The following NTNG1 variants were observed in gnomAD, a reference collection of about 807,000 sequenced individuals.
NTNG1 encodes the protein netrin G1, also known as netrin-G1.
NTNG1 carries 16 observed loss-of-function variants against 54.0 expected under a neutral mutation model. The ratio of observed to expected loss-of-function variants is 0.30; its 90% CI spans 0.20 to 0.45. The LOEUF (loss-of-function observed/expected upper bound fraction) is 0.45, where lower values mean the gene tolerates loss of function less well. Among genes scored for constraint, NTNG1 ranks in the 20% least tolerant of loss-of-function variants. The pLI is 1.00. For synonymous variants in NTNG1, 255 were observed against 263.1 expected (o/e 0.97, Z 0.30); for missense variants, 530 against 678.7 (o/e 0.78, Z 2.43).
chr1:107,185,577 TCACTTTCTGA>T (rs752072280), intron 2 of NTNG1, among the ~76,000 whole-genome samples: 9 of 152,276 alleles, frequency 5.9e-5, no homozygotes, highest in South Asian at 2.1e-4. Flanking sequence ...CTAAAGAAGG[TCACTTTCTGA>T]GGTTTGAGTG....
At chr1:107,288,688 C>A (rs1030904140) in intron 2 of NTNG1, among the ~76,000 whole-genome samples, 1 of 152,070 alleles carries the variant, frequency 6.6e-6, no homozygotes, top group Non-Finnish European at 1.5e-5. Flanking sequence ...AAAGGATTGA[C>A]AAATGAGTGG....
chr1:107,180,819 A>C (rs2101130881), intron 2 of NTNG1, among the ~76,000 whole-genome samples: 1 of 152,348 alleles, frequency 6.6e-6, no homozygotes, highest in South Asian at 2.1e-4. Context: ...ATATGTGTCC[A>C]TTGTCCTAAT....
At chr1:107,168,561 G>A (rs1247503375) in intron 2 of NTNG1, among the ~76,000 whole-genome samples, 1 of 151,944 alleles carries the variant, frequency 6.6e-6, no homozygotes, top group Non-Finnish European at 1.5e-5. Context: ...ACTACTTTGT[G>A]GTGACATTTA....
At chr1:107,249,359 G>A (rs1390913004) in intron 2 of NTNG1, among the ~76,000 whole-genome samples, 1 of 151,654 alleles carries the variant, frequency 6.6e-6, no homozygotes, top group Non-Finnish European at 1.5e-5. Context: ...GCGCATGCCT[G>A]TAATCCCAGC....
intron 2 of NTNG1, among the ~76,000 whole-genome samples, chr1:107,275,493 C>T (rs183154087): frequency 2.0e-5 from 3 of 152,214 alleles, no homozygotes; most frequent in African/African-American, 7.2e-5. Context: ...GCTGTAGACC[C>T]AGGAGAGGCA....
In NTNG1 at chr1:107,259,520, T is replaced by C. The variant is rs141530833; in HGVS notation, c.247-64762T>C. ...TTAGTTTAACTCTGAACTTATTATT[T>C]TGGATAATTTTCATTGATATAAATC... On this transcript the variant is annotated intron_variant, in intron 2 of 7. Transcript: ENST00000370068. Among the ~76,000 whole-genome samples, 641 of 152,370 alleles carry C rather than the reference T, an allele frequency of 4.2e-3. 2 individuals carry two copies. Among genetic ancestry groups the C allele is most frequent in the African/African-American group, 0.014 (603 of 41,594 alleles).
chr1:107,437,570 A>G (rs1222055565), intron 7 of NTNG1, among the ~76,000 whole-genome samples: 1 of 152,210 alleles, frequency 6.6e-6, no homozygotes, highest in Admixed American at 6.5e-5. Context: ...GCTAGTATTA[A>G]AGCACCACAA....
At chr1:107,220,323 A>C (rs192238472) in intron 2 of NTNG1, among the ~76,000 whole-genome samples, 388 of 152,272 alleles carry the variant, frequency 2.5e-3, no homozygotes, top group African/African-American at 9.0e-3. Flanking sequence ...CACCACCTTC[A>C]AAGGGTCTGT....
At chr1:107,173,727 C>CTT (rs34761958) in intron 2 of NTNG1, among the ~76,000 whole-genome samples, 3 of 118,612 alleles carry the variant, frequency 2.5e-5, no homozygotes, top group Admixed American at 8.2e-5. Flanking sequence ...TTCTTTCTTT[C>CTT]TTTTTTTTTT....
intron 2 of NTNG1, among the ~76,000 whole-genome samples, chr1:107,162,260 G>A (rs556621737): frequency 6.6e-6 from 1 of 152,130 alleles, no homozygotes; most frequent in Non-Finnish European, 1.5e-5. Context: ...GAACATTTTC[G>A]TCAAATGGGG....
At chr1:107,360,166 T>A (rs1670179013) in intron 3 of NTNG1, among the ~76,000 whole-genome samples, 1 of 152,134 alleles carries the variant, frequency 6.6e-6, no homozygotes, top group South Asian at 2.1e-4. Flanking sequence ...TTTAGGAAAA[T>A]GTTTAGTGGG....
chr1:107,430,152 G>A (rs962894826), intron 5 of NTNG1, among the ~76,000 whole-genome samples: 19 of 151,998 alleles, frequency 1.3e-4, no homozygotes, highest in African/African-American at 4.6e-4. Context: ...TCTGAAGAAA[G>A]GCTTAAGAAA....
intron 3 of NTNG1, among the ~76,000 whole-genome samples, chr1:107,365,794 G>T (rs1670561348): frequency 6.6e-6 from 1 of 152,052 alleles, no homozygotes; most frequent in Non-Finnish European, 1.5e-5. Flanking sequence ...GTTTTGCTTG[G>T]GGGAGGGCAG....
intron 2 of NTNG1, among the ~76,000 whole-genome samples, chr1:107,186,386 T>C (rs1657462738): frequency 6.6e-6 from 1 of 152,204 alleles, no homozygotes; most frequent in Non-Finnish European, 1.5e-5. Context: ...ACTAAAACTA[T>C]GAATGGACTT....
intron 2 of NTNG1, among the ~76,000 whole-genome samples, chr1:107,236,572 G>A (rs946085033): frequency 1.3e-5 from 2 of 152,124 alleles, no homozygotes; most frequent in African/African-American, 4.8e-5. Context: ...CTGAAAAATG[G>A]TTTATAATGT....
intron 3 of NTNG1, among the ~76,000 whole-genome samples, chr1:107,378,315 C>T (rs567369118): frequency 7.5e-4 from 114 of 152,130 alleles, no homozygotes; most frequent in Non-Finnish European, 1.5e-3. Context: ...AAAGACTGAT[C>T]GCATAGCCAG....
chr1:107,403,872 T>C (rs906438317), intron 4 of NTNG1, among the ~76,000 whole-genome samples: 3 of 152,074 alleles, frequency 2.0e-5, no homozygotes, highest in Non-Finnish European at 4.4e-5. Flanking sequence ...ATGAAAGGGC[T>C]GAAGAAGATG....
chr1:107,424,401 T>TGA (rs1674759610), intron 5 of NTNG1, among the ~76,000 whole-genome samples: 1 of 152,084 alleles, frequency 6.6e-6, no homozygotes, highest in Non-Finnish European at 1.5e-5. Flanking sequence ...ATGAATGAAC[T>TGA]CCTCTTTTAT....
chr1:107,291,168 C>T (rs528059712), intron 2 of NTNG1, among the ~76,000 whole-genome samples: 4 of 151,742 alleles, frequency 2.6e-5, no homozygotes, highest in East Asian at 3.9e-4. Context: ...AGTGTGAAGA[C>T]GACAAGGATG....
Sources: gnomAD v4.1 joint callset for allele counts (sites outside exome capture counted in the v4.1 genomes callset) on GRCh38, gnomAD v4.1.1 for gene constraint, MANE v1.5 for transcripts, NCBI Gene and HGNC (gene_info 2026-07-23, HGNC 2026-07-21) for gene names.